Variants in MED12L observed in about 807,000 individuals in gnomAD.
MED12L encodes mediator complex subunit 12L.
Under a neutral mutation model 281.3 loss-of-function variants are expected in MED12L, and 60 were observed. That is an observed-to-expected ratio of 0.21 (90% CI 0.17 to 0.26). The LOEUF (loss-of-function observed/expected upper bound fraction) is 0.26. Ranked by LOEUF, MED12L falls within the 10% of genes least tolerant of loss-of-function variation. The pLI is 1.00. For missense variants in MED12L, 2,146 were observed against 2,680.9 expected (o/e 0.80, Z 4.41); for synonymous variants, 974 against 987.2 (o/e 0.99, Z 0.25).
At chr3:151,087,382 T>C (rs1280251885) in intron 2 of MED12L, among the ~76,000 whole-genome samples, 10 of 152,260 alleles carry the variant, frequency 6.6e-5, no homozygotes, top group Non-Finnish European at 1.3e-4. Context: ...TAAATCGTCG[T>C]AAACTTTTTG....
At chr3:151,252,697 C>T (rs1004325901) in intron 16 of MED12L, among the ~76,000 whole-genome samples, 1 of 152,066 alleles carries the variant, frequency 6.6e-6, no homozygotes, top group African/African-American at 2.4e-5. Context: ...GCTTATGATG[C>T]ATGCAAATAG....
At chr3:151,409,445 C>T (rs537478716) in intron 40 of MED12L, 113 bp downstream of exon 40, 5 of 826,014 alleles carry the variant, frequency 6.1e-6, no homozygotes, top group Non-Finnish European at 1.0e-5. Flanking sequence ...AACTTGATTA[C>T]TTCTTCTACT....
intron 4 of MED12L, among the ~76,000 whole-genome samples, chr3:151,124,321 T>C (rs1714186768): frequency 6.6e-6 from 1 of 152,248 alleles, no homozygotes; most frequent in Non-Finnish European, 1.5e-5. Flanking sequence ...TTCTTCTTTC[T>C]TTATTGGGAG....
intron 16 of MED12L, among the ~76,000 whole-genome samples, chr3:151,207,945 A>G (rs149892321): frequency 2.3e-4 from 35 of 152,308 alleles, no homozygotes; most frequent in African/African-American, 7.9e-4. Flanking sequence ...TTTATTTGAT[A>G]TAGCTTAGAT....
rs764471304 is a variant in MED12L, at chr3:151,193,597, A to T, written c.2181A>T (p.Glu727Asp). ...TGGTGAAGAGGGAAAAGCCAAGGGAATTAATTTTTCCATCTAATTATGACC... is the reference window on the plus strand; with the variant it reads ...TGGTGAAGAGGGAAAAGCCAAGGGATTTAATTTTTCCATCTAATTATGACC... ...EKLVKREKPR[E>D]LIFPSNYDLL... is the part of the protein sequence containing the mutation. Residue 727 changes from glutamate (E) to aspartate (D), a missense_variant, in exon 16 of 45, where the codon GAA becomes GAT. Glu to Asp is a conservative substitution (Grantham distance 45). This residue lies in a region of MED12L where 722 missense variants were observed against 861.2 expected (regional missense o/e 0.84). Coordinates refer to ENST00000687756, the MANE Select transcript of MED12L (RefSeq NM_001393769.1). 1.2e-6 allele frequency: 2 copies of T among 1,613,934 alleles called. No individual in the cohort carries two copies. Among genetic ancestry groups the T allele is most frequent in the African/African-American group, 2.7e-5 (2 of 74,940 alleles).
chr3:151,423,204 T>G (rs1718479579), intron 43 of MED12L, among the ~76,000 whole-genome samples: 1 of 151,666 alleles, frequency 6.6e-6, no homozygotes, highest in South Asian at 2.1e-4. Flanking sequence ...TTTTATACTT[T>G]AAGTTCTGGG....
intron 11 of MED12L, among the ~76,000 whole-genome samples, chr3:151,167,522 A>G (rs1720871643): frequency 6.6e-6 from 1 of 152,256 alleles, no homozygotes; most frequent in South Asian, 2.1e-4. Flanking sequence ...TGAGCCTGAT[A>G]CATATTCCAG....
rs141586207 is a variant in MED12L, at chr3:151,275,882, C to T, written c.2251-74177C>T. Among the ~76,000 whole-genome samples the T allele has an allele frequency of 7.0e-3, 1,071 of 152,162 alleles. 14 individuals carry two copies. Among genetic ancestry groups the T allele is most frequent in the African/African-American group, 0.024 (1,001 of 41,508 alleles). On this transcript the variant is annotated intron_variant, in intron 16 of 44. Transcript: ENST00000687756. ...CTGTGCTGCTCAGACTTTTAGGAGG[C>T]AATGCATCTTTTAGTATTGCGGGGT...
At chr3:151,311,654 G>A (rs1747534069) in intron 16 of MED12L, among the ~76,000 whole-genome samples, 1 of 152,120 alleles carries the variant, frequency 6.6e-6, no homozygotes, top group Non-Finnish European at 1.5e-5. Flanking sequence ...GATTATTTAA[G>A]GATTGCATAT....
At chr3:151,178,557 GAC>G (rs1722355135) in intron 11 of MED12L, among the ~76,000 whole-genome samples, 1 of 152,168 alleles carries the variant, frequency 6.6e-6, no homozygotes, top group Non-Finnish European at 1.5e-5. Flanking sequence ...AGGTTCTTTT[GAC>G]ACACAGGTTT....
chr3:151,269,094 T>C (rs1740372374), intron 16 of MED12L, among the ~76,000 whole-genome samples: 1 of 151,926 alleles, frequency 6.6e-6, no homozygotes, highest in Non-Finnish European at 1.5e-5. Flanking sequence ...AAAGAAGCAA[T>C]TGAATATATT....
intron 21 of MED12L, among the ~76,000 whole-genome samples, chr3:151,363,571 ACT>A (rs1288087417): frequency 1.3e-5 from 2 of 152,152 alleles, no homozygotes; most frequent in African/African-American, 4.8e-5. Context: ...AAATGTCATG[ACT>A]CTGAATTGCA....
chr3:151,141,187 G>GTTTTTTTTTTT (rs76965310), intron 5 of MED12L, among the ~76,000 whole-genome samples: 26 of 99,086 alleles, frequency 2.6e-4, no homozygotes, highest in African/African-American at 8.6e-4. Context: ...TGTTTTTTTT[G>GTTTTTTTTTTT]TTTTTTTTTT....
chr3:151,431,493 T>C (rs542546442), intron 44 of MED12L, among the ~76,000 whole-genome samples: 2 of 152,342 alleles, frequency 1.3e-5, no homozygotes, highest in South Asian at 4.1e-4. Context: ...TTTCCTCTTA[T>C]GGCCTCATTT....
intron 16 of MED12L, among the ~76,000 whole-genome samples, chr3:151,230,070 C>T (rs979025230): frequency 5.3e-5 from 8 of 151,710 alleles, no homozygotes; most frequent in Admixed American, 2.0e-4. Context: ...GCTGGGTTCA[C>T]GCCATTCTCC....
At chr3:151,125,562 T>G (rs1186119060) in intron 4 of MED12L, among the ~76,000 whole-genome samples, 1 of 152,252 alleles carries the variant, frequency 6.6e-6, no homozygotes, top group Non-Finnish European at 1.5e-5. Flanking sequence ...TGCGCTTGTT[T>G]ATGTTTTAGG....
chr3:151,212,129 A>C (rs1161818727), intron 16 of MED12L: 2 of 152,244 alleles, frequency 1.3e-5, no homozygotes, highest in African/African-American at 4.8e-5. Context: ...GTATTAAAAC[A>C]TTTCTTTATT....
intron 5 of MED12L, among the ~76,000 whole-genome samples, chr3:151,153,412 C>G (rs570378436): frequency 6.6e-6 from 1 of 152,270 alleles, no homozygotes; most frequent in East Asian, 1.9e-4. Context: ...AACAACTACA[C>G]ATGTATTCAT....
chr3:151,139,601 G>A (rs1034596865), intron 5 of MED12L, among the ~76,000 whole-genome samples: 4 of 152,192 alleles, frequency 2.6e-5, no homozygotes, highest in Non-Finnish European at 5.9e-5. Flanking sequence ...TACTCAAGTT[G>A]TGAGAGGAGA....
Sources: allele counts gnomAD v4.1 joint callset (sites outside exome capture counted in the v4.1 genomes callset), GRCh38; gene constraint gnomAD v4.1.1; regional missense constraint gnomAD v4.1.1; transcripts MANE v1.5; gene names NCBI Gene and HGNC (gene_info 2026-07-23, HGNC 2026-07-21).